Variants in CDK8 observed in about 807,000 individuals in gnomAD.
CDK8 encodes cyclin dependent kinase 8.
CDK8 carries 29 observed loss-of-function variants against 71.5 expected under a neutral mutation model. That is an observed-to-expected ratio of 0.41 (90% CI 0.30 to 0.55). CDK8 has a LOEUF of 0.55. Ranked by LOEUF, CDK8 falls within the 20% of genes least tolerant of loss-of-function variation. The pLI is 0.37. For synonymous variants in CDK8, 161 were observed against 192.1 expected (o/e 0.84, Z 1.34); for missense variants, 288 against 572.6 (o/e 0.50, Z 5.07).
At chr13:26,295,095 A>G (rs1873486908) in intron 1 of CDK8, among the ~76,000 whole-genome samples, 1 of 152,102 alleles carries the variant, frequency 6.6e-6, no homozygotes, top group Non-Finnish European at 1.5e-5. Context: ...TGTTTCTTCC[A>G]AGCTATTTTG....
intron 12 of CDK8, among the ~76,000 whole-genome samples, chr13:26,403,117 C>G (rs1876339805): frequency 2.0e-5 from 3 of 152,188 alleles, no homozygotes; most frequent in Admixed American, 2.0e-4. Context: ...CCATCACATT[C>G]TTTCTCTTTG....
Position 26,393,506 on chromosome 13 carries a change from T to C in CDK8, c.786T>C (p.Pro262=). Residue 262 remains proline, a synonymous_variant, in exon 7 of 13, where the codon CCT becomes CCC. Coordinates refer to ENST00000381527, the MANE Select transcript of CDK8 (RefSeq NM_001260.3). ...LDRIFNVMGF[P]ADKDWEDIKK... ...GAATATTCAATGTAATGGGATTTCC[T>C]GCAGGTACACATTATTCGTTTTTGT... The C allele has an allele frequency of 6.2e-7, 1 of 1,612,104 alleles. No individual in the cohort carries two copies. The highest frequency in any genetic ancestry group is 8.5e-7 in the Non-Finnish European group (1 of 1,179,048).
chr13:26,370,465 G>C (rs1194406978), intron 4 of CDK8, among the ~76,000 whole-genome samples: 1 of 152,106 alleles, frequency 6.6e-6, no homozygotes, highest in East Asian at 1.9e-4. Flanking sequence ...TTCATTTCTG[G>C]TTGAAATTCT....
At chr13:26,282,030 T>TA (rs200213850) in intron 1 of CDK8, among the ~76,000 whole-genome samples, 8 of 149,306 alleles carry the variant, frequency 5.4e-5, no homozygotes, top group African/African-American at 1.5e-4. Context: ...GCAAAAAGAA[T>TA]AAAAAAAAAG....
intron 1 of CDK8, among the ~76,000 whole-genome samples, chr13:26,283,867 C>T (rs1231314672): frequency 6.7e-6 from 1 of 149,288 alleles, no homozygotes; most frequent in African/African-American, 2.5e-5. Flanking sequence ...CACTGCACTG[C>T]AGCCTGGCGA....
chr13:26,317,190 G>T (rs1271721094), intron 1 of CDK8, among the ~76,000 whole-genome samples: 1 of 152,104 alleles, frequency 6.6e-6, no homozygotes, highest in Non-Finnish European at 1.5e-5. Flanking sequence ...AAGAACTGAT[G>T]CCTGAAATCT....
At chr13:26,391,223 A>T (rs765967711) in intron 6 of CDK8, among the ~76,000 whole-genome samples, 3 of 151,992 alleles carry the variant, frequency 2.0e-5, no homozygotes, top group African/African-American at 7.2e-5. Flanking sequence ...AGGTTCAATA[A>T]GTTATTTTTC....
intron 2 of CDK8, among the ~76,000 whole-genome samples, chr13:26,340,840 G>T (rs1018321345): frequency 3.3e-5 from 5 of 152,122 alleles, no homozygotes; most frequent in Non-Finnish European, 7.4e-5. Context: ...TATAGTCCTT[G>T]CTCTGTAAGT....
At chr13:26,318,231 T>C (rs1374772178) in intron 1 of CDK8, among the ~76,000 whole-genome samples, 1 of 151,998 alleles carries the variant, frequency 6.6e-6, no homozygotes, top group East Asian at 1.9e-4. Flanking sequence ...CTACAAAGAT[T>C]AAATCATGAA....
intron 4 of CDK8, among the ~76,000 whole-genome samples, chr13:26,366,828 C>G (rs1403951745): frequency 6.6e-6 from 1 of 152,188 alleles, no homozygotes; most frequent in Non-Finnish European, 1.5e-5. Flanking sequence ...CATTTAACAT[C>G]TGTTTATGTA....
At position 26,260,099 on chromosome 13, in the gene CDK8, T is replaced by A. The variant is rs948444469; in HGVS notation, c.128+5330T>A. 1.1e-4 allele frequency among the ~76,000 whole-genome samples: 16 copies of A among 152,268 alleles called. 1 individual carries two copies. The East Asian group carries it at 2.1e-3, about 20-fold the overall frequency. On this transcript the variant is annotated intron_variant, in intron 1 of 12. Coordinates refer to ENST00000381527, the MANE Select transcript of CDK8 (RefSeq NM_001260.3). ...AGGAATAGGACAAAGGGATTTTTTT[T>A]AAAATTGTATTTTCTGCAGACCCCA... is the stretch of plus-strand genomic sequence containing the variant.
chr13:26,326,256 C>T (rs1381091736), intron 1 of CDK8, among the ~76,000 whole-genome samples: 1 of 152,178 alleles, frequency 6.6e-6, no homozygotes, highest in Non-Finnish European at 1.5e-5. Flanking sequence ...AAAGTGGCTA[C>T]AATCTCAACC....
chr13:26,364,493 A>G (rs1176093021), intron 4 of CDK8, among the ~76,000 whole-genome samples: 1 of 152,172 alleles, frequency 6.6e-6, no homozygotes, highest in African/African-American at 2.4e-5. Context: ...GACATTGGTA[A>G]TAAAATCATT....
At chr13:26,377,914 G>A (rs886630001) in intron 4 of CDK8, among the ~76,000 whole-genome samples, 13 of 152,172 alleles carry the variant, frequency 8.5e-5, no homozygotes, top group African/African-American at 3.1e-4. Context: ...TTACCACCAG[G>A]CTGTGTTATT....
At chr13:26,297,082 G>A (rs563471853) in intron 1 of CDK8, among the ~76,000 whole-genome samples, 1 of 152,114 alleles carries the variant, frequency 6.6e-6, no homozygotes, top group African/African-American at 2.4e-5. Flanking sequence ...CATTAGGGTT[G>A]CCATTTAAAA....
intron 1 of CDK8, among the ~76,000 whole-genome samples, chr13:26,303,768 G>A (rs1873920079): frequency 6.6e-6 from 1 of 152,126 alleles, no homozygotes; most frequent in Admixed American, 6.5e-5. Flanking sequence ...AAAATCATGT[G>A]TACTCTGCAG....
intron 1 of CDK8, among the ~76,000 whole-genome samples, chr13:26,312,670 A>G (rs184034538): frequency 1.7e-4 from 26 of 152,334 alleles, no homozygotes; most frequent in African/African-American, 6.0e-4. Flanking sequence ...CCGCGGCTTC[A>G]TTCTTGAAGT....
At chr13:26,397,355 G>C (rs1876045069) in intron 9 of CDK8, 130 bp downstream of exon 9, 6 of 608,684 alleles carry the variant, frequency 9.9e-6, no homozygotes, top group Non-Finnish European at 1.8e-5. Context: ...TAAATGCAGA[G>C]ATCTTGTTAG....
intron 5 of CDK8, among the ~76,000 whole-genome samples, chr13:26,383,315 A>G (rs1442056908): frequency 6.6e-6 from 1 of 152,204 alleles, no homozygotes; most frequent in Non-Finnish European, 1.5e-5. Flanking sequence ...AGGGAAAACC[A>G]TGAGGCTGGA....
Sources: gnomAD v4.1 joint callset for allele counts (sites outside exome capture counted in the v4.1 genomes callset) on GRCh38, gnomAD v4.1.1 for gene constraint, MANE v1.5 for transcripts, NCBI Gene and HGNC (gene_info 2026-07-23, HGNC 2026-07-21) for gene names.